The following TDRD9 variants were observed in gnomAD, a reference collection of about 807,000 sequenced individuals.
TDRD9 encodes tudor domain containing 9, also known as ATP-dependent RNA helicase TDRD9.
In TDRD9, 124 loss-of-function variants were observed where a neutral mutation model predicts 172.6. The observed-to-expected ratio is 0.72, with a 90% CI of 0.62 to 0.83. The LOEUF is 0.83. Among genes scored for constraint, TDRD9 ranks in the 40% least tolerant of loss-of-function variants. The probability of loss-of-function intolerance (pLI) is 0.00; values close to 1 mark genes in which losing one functional copy is unlikely to be tolerated. For missense variants in TDRD9, 1,479 were observed against 1,714.1 expected (o/e 0.86, Z 2.42); for synonymous variants, 619 against 617.1 (o/e 1.00, Z -0.05).
intron 5 of TDRD9, among the ~76,000 whole-genome samples, chr14:103,968,763 T>C (rs1357258074): frequency 1.5e-5 from 1 of 66,132 alleles, no homozygotes; most frequent in African/African-American, 4.7e-5. Context: ...GCCACTGCAC[T>C]CCAGCCTGGG....
At chr14:103,971,932 G>C (rs1203962747) in intron 6 of TDRD9, among the ~76,000 whole-genome samples, 1 of 152,114 alleles carries the variant, frequency 6.6e-6, no homozygotes, top group Non-Finnish European at 1.5e-5. Flanking sequence ...AAGGTGGGCA[G>C]ATTGCTTGAG....
chr14:104,012,876 G>A (rs560957304), intron 20 of TDRD9, among the ~76,000 whole-genome samples: 83 of 152,150 alleles, frequency 5.5e-4, no homozygotes, highest in Non-Finnish European at 9.4e-4. Flanking sequence ...TGAGAGGTGT[G>A]AACCACCGTG....
chr14:104,037,688 C>T (rs779543051), intron 32 of TDRD9, among the ~76,000 whole-genome samples: 2 of 152,182 alleles, frequency 1.3e-5, no homozygotes, highest in Non-Finnish European at 1.5e-5. Flanking sequence ...ACTGACCTAG[C>T]TGCCATTTGT....
At chr14:104,013,162 C>A (rs949284235) in intron 20 of TDRD9, among the ~76,000 whole-genome samples, 1 of 152,112 alleles carries the variant, frequency 6.6e-6, no homozygotes, top group Non-Finnish European at 1.5e-5. Flanking sequence ...TTATTCCCCC[C>A]AGTTATGTTC....
chr14:104,026,788 G>T lies in TDRD9; in HGVS notation c.3131G>T (p.Cys1044Phe). 6.2e-7 allele frequency: 1 copy of T among 1,614,022 alleles called. No homozygotes were observed. Among genetic ancestry groups the T allele is most frequent in the South Asian group, 1.1e-5 (1 of 91,076 alleles). Residue 1044 changes from cysteine to phenylalanine, a missense_variant, in exon 28 of 36, where the codon TGC (cysteine) becomes TTC (phenylalanine). Cys to Phe is a radical substitution (Grantham distance 205, BLOSUM62 -2). Transcript: ENST00000409874. ...SQWFASLVSG[C>F]TLLVKVFSVV... ...TGGTTCGCCTCTCTGGTGAGCGGCT[G>T]CACCCTCCTTGTGAAGGTCTTCTCT...
chr14:103,941,332 T>A (rs2031217532), intron 1 of TDRD9: 1 of 1,220,612 alleles, frequency 8.2e-7, no homozygotes, highest in African/African-American at 1.5e-5. Flanking sequence ...CAGTTTCTAG[T>A]CAAAATATAT....
chr14:103,986,308 T>C lies in TDRD9; in HGVS notation c.1103T>C (p.Met368Thr), dbSNP rs540412831. 1,382 of 1,609,798 alleles carry C rather than the reference T, an allele frequency of 8.6e-4. 23 individuals carry two copies. The South Asian group carries it at 0.014, about 17-fold the overall frequency. Residue 368 changes from methionine (M) to threonine (T), a missense_variant, in exon 8 of 36, where the codon ATG becomes ACG. Physicochemically the swap from Met to Thr is moderately conservative, Grantham distance 81. Coordinates refer to ENST00000409874, the MANE Select transcript of TDRD9 (RefSeq NM_153046.3). ...ATTCAGATGTTTGATGACTTGGATA[T>C]GAAGGAGAGTGGGTAAGAGATACTT... is the stretch of plus-strand genomic sequence containing the variant. Reference protein sequence around the residue: ...SLIQMFDDLDMKESGNKAWSG... With the variant: ...SLIQMFDDLDTKESGNKAWSG...
At chr14:104,035,689 TG>T (rs989003568) in intron 32 of TDRD9, among the ~76,000 whole-genome samples, 4 of 152,114 alleles carry the variant, frequency 2.6e-5, no homozygotes, top group African/African-American at 9.6e-5. Context: ...GAGCAGTGGG[TG>T]GGGGTGGCTA....
chr14:103,947,810 T>C (rs910090398), intron 1 of TDRD9, among the ~76,000 whole-genome samples: 6 of 152,186 alleles, frequency 3.9e-5, no homozygotes, highest in African/African-American at 1.4e-4. Flanking sequence ...ACATCGTATG[T>C]GGCAATAATT....
chr14:103,994,665 T>A, intron 11 of TDRD9, 62 bp downstream of exon 11: 4 of 1,378,426 alleles, frequency 2.9e-6, no homozygotes, highest in Non-Finnish European at 4.0e-6. Flanking sequence ...GAGACTCTAC[T>A]CATGAAAAAT....
At chr14:104,035,093 TAAG>T in intron 32 of TDRD9, 37 bp downstream of exon 32, 3 of 1,520,500 alleles carry the variant, frequency 2.0e-6, no homozygotes, top group Non-Finnish European at 2.7e-6. Context: ...CTTTGTAAAA[TAAG>T]AACCTGGGCG....
chr14:104,000,652 G>A (rs2034230224), intron 13 of TDRD9, among the ~76,000 whole-genome samples: 1 of 152,066 alleles, frequency 6.6e-6, no homozygotes. Context: ...GAGTGTGGTG[G>A]CACACACCTG....
intron 7 of TDRD9, among the ~76,000 whole-genome samples, chr14:103,982,794 A>T (rs528538428): frequency 1.3e-5 from 2 of 152,212 alleles, no homozygotes; most frequent in South Asian, 4.1e-4. Flanking sequence ...CCAGCTACTC[A>T]GGAGGCTGAG....
At position 103,965,567 on chromosome 14, in the gene TDRD9, G is replaced by T; in HGVS notation, c.642+13G>T. On this transcript the variant is annotated intron_variant, in intron 4 of 35. Coordinates refer to ENST00000409874, the MANE Select transcript of TDRD9 (RefSeq NM_153046.3). ...GGTGGGCTACCAGGTGAGACTGGGA[G>T]GGAGGGAGGGACTAAGAGAGCCAGC... 1 of 1,517,556 alleles carries T rather than the reference G, an allele frequency of 6.6e-7. No individual in the cohort carries two copies. Among genetic ancestry groups the T allele is most frequent in the Non-Finnish European group, 8.9e-7 (1 of 1,118,356 alleles). 94.0% of individuals were successfully genotyped at this position (1,517,556 alleles called of 1,614,324 possible).
chr14:103,980,346 A>T lies in TDRD9; in HGVS notation c.1011+4793A>T, dbSNP rs1254845858. 6.6e-6 allele frequency among the ~76,000 whole-genome samples: 1 copy of T among 152,066 alleles called. No individual in the cohort carries two copies. Among genetic ancestry groups the T allele is most frequent in the East Asian group, 1.9e-4 (1 of 5,176 alleles). ...GTGTGAGCCATCTCCAATGATAGGTAAGGTCATGTGGGTCACGTGTCGACT... is the reference window on the plus strand; with the variant it reads ...GTGTGAGCCATCTCCAATGATAGGTTAGGTCATGTGGGTCACGTGTCGACT... On this transcript the variant is annotated intron_variant, in intron 7 of 35. Transcript: ENST00000409874. The surrounding 1 kb of genome is among the most constrained non-coding windows in gnomAD (Gnocchi z 4.5).
At chr14:104,028,616 T>C (rs746343866) in intron 28 of TDRD9, among the ~76,000 whole-genome samples, 4 of 152,252 alleles carry the variant, frequency 2.6e-5, no homozygotes, top group Non-Finnish European at 4.4e-5. Flanking sequence ...GCAAATATTT[T>C]CTCCCATTCT....
Position 103,997,131 on chromosome 14 carries a change from T to G in TDRD9, c.1378+1324T>G, listed in dbSNP as rs2034085955. Reference sequence around the variant, plus strand: ...GCAAGATGGAAAATCGTTGGTAGGTTTTGAAAACAGAAATGACATAACCTG... The same window carrying G: ...GCAAGATGGAAAATCGTTGGTAGGTGTTGAAAACAGAAATGACATAACCTG... On this transcript the variant is annotated intron_variant, in intron 12 of 35. Coordinates refer to ENST00000409874, the MANE Select transcript of TDRD9 (RefSeq NM_153046.3). This position sits in a 1 kb window ranked among gnomAD's most constrained non-coding sequence, Gnocchi z 5.1. 6.6e-6 allele frequency among the ~76,000 whole-genome samples: 1 copy of G among 152,120 alleles called. No individual in the cohort carries two copies. The highest frequency in any genetic ancestry group is 1.5e-5 in the Non-Finnish European group (1 of 68,018).
chr14:103,963,099 A>G lies in TDRD9; in HGVS notation c.343A>G (p.Lys115Glu). Reference sequence around the variant, plus strand: ...TCCAGGTCCAAGGCCATCTTTGGCTAAATTAAGCAGTGTGACATGCATCCC... The same window carrying G: ...TCCAGGTCCAAGGCCATCTTTGGCTGAATTAAGCAGTGTGACATGCATCCC... Reference protein sequence around the residue: ...SGPGPRPSLAKLSSVTCIPGT... With the variant: ...SGPGPRPSLAELSSVTCIPGT... The change falls in exon 3 of 36, where the codon AAA becomes GAA. Residue 115 changes from lysine (K) to glutamate (E), a missense_variant. This residue lies in a region of TDRD9 where 1,413 missense variants were observed against 1,649.1 expected (regional missense o/e 0.86). Coordinates refer to ENST00000409874, the MANE Select transcript of TDRD9 (RefSeq NM_153046.3). The G allele has an allele frequency of 6.5e-7, 1 of 1,548,320 alleles. No individual in the cohort carries two copies. Among genetic ancestry groups the G allele is most frequent in the Non-Finnish European group, 8.7e-7 (1 of 1,145,668 alleles).
chr14:103,931,298 CAA>C (rs35115834), intron 1 of TDRD9, among the ~76,000 whole-genome samples: 166 of 132,060 alleles, frequency 1.3e-3, no homozygotes, highest in African/African-American at 2.2e-3. Flanking sequence ...GACCCTGTCT[CAA>C]AAAAAAAAAA....
Sources: allele counts gnomAD v4.1 joint callset (sites outside exome capture counted in the v4.1 genomes callset), GRCh38; gene constraint gnomAD v4.1.1; regional missense constraint gnomAD v4.1.1; non-coding constraint Gnocchi (gnomAD v3.1); transcripts MANE v1.5; gene names NCBI Gene and HGNC (gene_info 2026-07-23, HGNC 2026-07-21).